Variants in IRAK1BP1 observed in about 807,000 individuals in gnomAD.
IRAK1BP1 encodes interleukin 1 receptor associated kinase 1 binding protein 1, also known as interleukin-1 receptor-associated kinase 1-binding protein 1.
IRAK1BP1 carries 24 observed loss-of-function variants against 28.0 expected under a neutral mutation model. That is an observed-to-expected ratio of 0.86 (90% CI 0.62 to 1.20). IRAK1BP1 has a LOEUF of 1.20. Ranked by LOEUF, IRAK1BP1 falls within the 50% of genes most tolerant of loss-of-function variation. The pLI, the probability that IRAK1BP1 is intolerant of heterozygous loss-of-function variation, is 0.00. For missense variants in IRAK1BP1, 336 were observed against 316.7 expected (o/e 1.06, Z -0.46); for synonymous variants, 131 against 116.3 (o/e 1.13, Z -0.81).
the IRAK1BP1 span, chr6:78,970,966 A>C: frequency 1.1e-6 from 1 of 939,138 alleles, no homozygotes; most frequent in South Asian, 1.6e-5. Context: ...CTGAAATTGC[A>C]AAGAGAAAAT....
intron 4 of IRAK1BP1, chr6:78,945,179 A>G: frequency 4.3e-6 from 3 of 703,482 alleles, no homozygotes; most frequent in Admixed American, 4.6e-5. Flanking sequence ...TTTATCAACT[A>G]ATACAGATGT....
At chr6:78,903,174 C>A, downstream of IRAK1BP1, 1 of 876,504 alleles carries the variant, frequency 1.1e-6, no homozygotes, top group East Asian at 2.7e-5. Context: ...GTATTCTTTG[C>A]TACATAGGGT....
chr6:78,871,217 T>C (rs2127664479), intron 1 of IRAK1BP1: 1 of 969,838 alleles, frequency 1.0e-6, no homozygotes, highest in African/African-American at 1.8e-5. Context: ...TATTTTCTTC[T>C]CTCTCCAACT....
intron 1 of IRAK1BP1, among the ~76,000 whole-genome samples, chr6:78,885,061 C>A (rs1771368592): frequency 2.0e-5 from 3 of 151,898 alleles, no homozygotes; most frequent in Admixed American, 2.0e-4. Context: ...TTTCAACATT[C>A]TTTTGTTTTG....
In IRAK1BP1 at chr6:78,945,981, A is replaced by G. The variant is rs773169802; in HGVS notation, c.*641A>G. ...TAAGAAAATCATCATATACATTTCA[A>G]TTTAGAAAGTGAGTCTTACTTGTTT... On this transcript the variant is annotated 3_prime_UTR_variant and NMD_transcript_variant, in exon 5 of 5. Coordinates refer to the IRAK1BP1 transcript ENST00000606868. The G allele has an allele frequency of 8.3e-6, 13 of 1,567,678 alleles. No individual in the cohort carries two copies. In the South Asian group the frequency reaches 1.4e-4, roughly 17 times the overall value.
intron 4 of IRAK1BP1, among the ~76,000 whole-genome samples, chr6:78,941,786 C>A (rs1773513692): frequency 6.6e-6 from 1 of 152,126 alleles, no homozygotes; most frequent in Non-Finnish European, 1.5e-5. Flanking sequence ...CTAGGAAATA[C>A]TGATTATATA....
chr6:78,910,775 A>G (rs372990950), intron 4 of IRAK1BP1, among the ~76,000 whole-genome samples: 32 of 152,352 alleles, frequency 2.1e-4, no homozygotes, highest in Middle Eastern at 3.4e-3. Flanking sequence ...ACTGCCCCAG[A>G]CACGCACACC....
At chr6:78,936,352 G>T (rs370891246) in intron 4 of IRAK1BP1, 1 of 151,834 alleles carries the variant, frequency 6.6e-6, no homozygotes, top group Non-Finnish European at 1.5e-5. Context: ...TTTTCTAAAA[G>T]ATCTTCAGTA....
chr6:78,965,959 T>C, the IRAK1BP1 span: 19 of 1,605,382 alleles, frequency 1.2e-5, no homozygotes, highest in African/African-American at 4.0e-5. Context: ...CATTGTAGCA[T>C]TGAAACAGAC....
chr6:78,934,260 GGACA>G (rs1773178479), intron 4 of IRAK1BP1, among the ~76,000 whole-genome samples: 3 of 152,250 alleles, frequency 2.0e-5, no homozygotes, highest in Admixed American at 1.3e-4. Context: ...AGATCACCAT[GGACA>G]GATAGAATGA....
downstream of IRAK1BP1, among the ~76,000 whole-genome samples, chr6:78,908,056 TTATC>T (rs1554190316): frequency 3.5e-5 from 5 of 141,560 alleles, no homozygotes; most frequent in African/African-American, 1.4e-4. Context: ...ATTTATTTAT[TTATC>T]TATTTTTTGA....
chr6:78,886,623 C>T (rs989961918), intron 2 of IRAK1BP1, among the ~76,000 whole-genome samples: 1 of 151,986 alleles, frequency 6.6e-6, no homozygotes, highest in Non-Finnish European at 1.5e-5. Context: ...TAGATGGAAG[C>T]AAGTTATCTT....
intron 2 of IRAK1BP1, among the ~76,000 whole-genome samples, chr6:78,891,150 G>A (rs1016181794): frequency 6.6e-6 from 1 of 152,082 alleles, no homozygotes; most frequent in Non-Finnish European, 1.5e-5. Context: ...AGGGTTTGAA[G>A]GACATGTACA....
At chr6:78,910,320 A>C (rs1772371679) in intron 4 of IRAK1BP1, among the ~76,000 whole-genome samples, 1 of 152,160 alleles carries the variant, frequency 6.6e-6, no homozygotes, top group Non-Finnish European at 1.5e-5. Context: ...AACGCGATGG[A>C]TTCTCAAGAA....
chr6:78,941,741 T>A (rs1235685565), intron 4 of IRAK1BP1, among the ~76,000 whole-genome samples: 1 of 152,172 alleles, frequency 6.6e-6, no homozygotes, highest in Non-Finnish European at 1.5e-5. Context: ...AAAAGTCCTA[T>A]CTCCTTGTGT....
chr6:78,936,370 T>C (rs147409733), intron 4 of IRAK1BP1: 1 of 152,044 alleles, frequency 6.6e-6, no homozygotes, highest in African/African-American at 2.4e-5. Context: ...GTAAGACCCC[T>C]GTCTTCTTGC....
downstream of IRAK1BP1, chr6:78,947,023 A>T: frequency 2.0e-6 from 1 of 508,588 alleles, no homozygotes; most frequent in East Asian, 3.6e-5. Flanking sequence ...CTTTTGATGA[A>T]AAGGTAAACT....
At chr6:78,940,694 TACCA>T in intron 4 of IRAK1BP1, 1 of 1,607,174 alleles carries the variant, frequency 6.2e-7, no homozygotes, top group Non-Finnish European at 8.5e-7. Context: ...TGGTACAAGT[TACCA>T]ACCAATTAAA....
At chr6:78,963,796 G>A in the IRAK1BP1 span, among the ~76,000 whole-genome samples, 105 of 152,200 alleles carry the variant, frequency 6.9e-4, 1 homozygote, top group South Asian at 8.1e-3. Context: ...AGAGGGTTGC[G>A]GTAACCCAAA....
Sources: gnomAD v4.1 joint callset for allele counts (sites outside exome capture counted in the v4.1 genomes callset) on GRCh38, gnomAD v4.1.1 for gene constraint, MANE v1.5 for transcripts, NCBI Gene and HGNC (gene_info 2026-07-23, HGNC 2026-07-21) for gene names.